The following DACH2 variants were observed in gnomAD, a reference collection of about 807,000 sequenced individuals.
The protein encoded by DACH2 is dachshund homolog 2.
In DACH2, 17 loss-of-function variants were observed where a neutral mutation model predicts 35.8. That is an observed-to-expected ratio of 0.48 (90% CI 0.33 to 0.71). The LOEUF (loss-of-function observed/expected upper bound fraction) is 0.71. Ranked by LOEUF, DACH2 falls within the 30% of genes least tolerant of loss-of-function variation. DACH2 has a pLI of 0.02. For synonymous variants in DACH2, 195 were observed against 177.3 expected, an observed-to-expected ratio of 1.10 and a Z score of -0.79; for missense variants, 469 against 472.7, an observed-to-expected ratio of 0.99 and a Z score of 0.07.
chrX:86,227,430 T>G (rs990200716), intron 1 of DACH2, among the ~76,000 whole-genome samples: 4 of 111,155 alleles, frequency 3.6e-5, no homozygotes, highest in Middle Eastern at 9.3e-3. Flanking sequence ...TATTTTGTAT[T>G]GTTCCTGTTT....
At chrX:86,182,652 C>T (rs2031534908) in intron 1 of DACH2, among the ~76,000 whole-genome samples, 1 of 111,654 alleles carries the variant, frequency 9.0e-6, no homozygotes, top group South Asian at 3.8e-4. Context: ...ATTTTCTTGG[C>T]TATACGGGCT....
chrX:86,650,276 T>C (rs1050539741), intron 3 of DACH2, among the ~76,000 whole-genome samples: 10 of 111,338 alleles, frequency 9.0e-5, no homozygotes, highest in Non-Finnish European at 1.3e-4. Flanking sequence ...CTACAGACGC[T>C]GGCTATATAG....
intron 4 of DACH2, among the ~76,000 whole-genome samples, chrX:86,683,223 T>C (rs1207703861): frequency 9.0e-6 from 1 of 111,701 alleles, no homozygotes; most frequent in East Asian, 2.8e-4. Flanking sequence ...TCTACCAACT[T>C]TCTCCTCTTT....
chrX:86,600,399 T>C (rs1382100314), intron 3 of DACH2, among the ~76,000 whole-genome samples: 1 of 112,037 alleles, frequency 8.9e-6, no homozygotes, highest in Non-Finnish European at 1.9e-5. Flanking sequence ...TATACCAGTA[T>C]TATTTAAAGT....
intron 1 of DACH2, among the ~76,000 whole-genome samples, chrX:86,357,150 C>CA (rs887774367): frequency 8.1e-5 from 9 of 111,720 alleles, no homozygotes; most frequent in African/African-American, 2.6e-4. Flanking sequence ...ACTAAAAAGT[C>CA]AAAAAAACAC....
chrX:86,468,740 A>G (rs2037713801), intron 2 of DACH2, among the ~76,000 whole-genome samples: 1 of 111,798 alleles, frequency 8.9e-6, no homozygotes, highest in Non-Finnish European at 1.9e-5. Flanking sequence ...TTCAAAGTTC[A>G]ACAAAGCCTA....
At chrX:86,209,909 G>C (rs2147912332) in intron 1 of DACH2, among the ~76,000 whole-genome samples, 1 of 111,864 alleles carries the variant, frequency 8.9e-6, no homozygotes. Context: ...TCAATGTTTA[G>C]AAGATGATCT....
At chrX:86,198,959 C>CA (rs1339529650) in intron 1 of DACH2, among the ~76,000 whole-genome samples, 1 of 109,897 alleles carries the variant, frequency 9.1e-6, no homozygotes, top group Admixed American at 9.7e-5. Context: ...AGAGACACAA[C>CA]AAAAAAAGAA....
At chrX:86,799,697 C>A (rs1332334734) in intron 7 of DACH2, among the ~76,000 whole-genome samples, 1 of 112,208 alleles carries the variant, frequency 8.9e-6, no homozygotes, top group African/African-American at 3.2e-5. Flanking sequence ...TGCTATAATA[C>A]CTTTATTAAT....
intron 3 of DACH2, among the ~76,000 whole-genome samples, chrX:86,537,896 G>C (rs1299895643): frequency 9.0e-6 from 1 of 111,186 alleles, no homozygotes; most frequent in Non-Finnish European, 1.9e-5. Flanking sequence ...ACATTACCTT[G>C]TGAAATTCCT....
intron 3 of DACH2, among the ~76,000 whole-genome samples, chrX:86,632,493 T>C (rs781161195): frequency 1.2e-5 from 1 of 84,751 alleles, no homozygotes. Flanking sequence ...GTCATACACA[T>C]GCACACACAC....
At chrX:86,647,886 T>C (rs763551533) in intron 3 of DACH2, among the ~76,000 whole-genome samples, 51 of 110,631 alleles carry the variant, frequency 4.6e-4, no homozygotes, top group African/African-American at 1.6e-3. Context: ...ACAAATCAAA[T>C]AACTTAATAA....
At chrX:86,473,970 A>C (rs1415828911) in intron 2 of DACH2, among the ~76,000 whole-genome samples, 3 of 111,811 alleles carry the variant, frequency 2.7e-5, no homozygotes, top group Non-Finnish European at 5.6e-5. Flanking sequence ...GTGGTAATTT[A>C]AATTCTCACC....
chrX:86,614,464 G>A (rs941585946), intron 3 of DACH2, among the ~76,000 whole-genome samples: 1 of 111,850 alleles, frequency 8.9e-6, no homozygotes, highest in South Asian at 3.6e-4. Context: ...GTTTGTGAAA[G>A]TATTCTTCAT....
chrX:86,577,070 C>T (rs1327800148), intron 3 of DACH2, among the ~76,000 whole-genome samples: 2 of 112,007 alleles, frequency 1.8e-5, no homozygotes, highest in Non-Finnish European at 3.8e-5. Context: ...ACTAAGCCAT[C>T]GTAATAACTA....
chrX:86,684,969 T>G (rs951492321), intron 4 of DACH2, among the ~76,000 whole-genome samples: 5 of 111,916 alleles, frequency 4.5e-5, no homozygotes, highest in Admixed American at 3.8e-4. Flanking sequence ...TTTTATTAAT[T>G]ACATAAAACT....
intron 2 of DACH2, among the ~76,000 whole-genome samples, chrX:86,460,043 A>T (rs193062212): frequency 9.0e-6 from 1 of 111,103 alleles, no homozygotes; most frequent in Admixed American, 9.7e-5. Context: ...TAGTTTTATA[A>T]CAAATGATAT....
intron 1 of DACH2, among the ~76,000 whole-genome samples, chrX:86,339,817 A>G (rs915050786): frequency 8.9e-6 from 1 of 112,181 alleles, no homozygotes; most frequent in Non-Finnish European, 1.9e-5. Context: ...AAATGCTAAT[A>G]TGATGCATAT....
At chrX:86,536,925 A>G (rs945526711) in intron 3 of DACH2, among the ~76,000 whole-genome samples, 2 of 111,096 alleles carry the variant, frequency 1.8e-5, no homozygotes, top group African/African-American at 6.6e-5. Flanking sequence ...GAACAGAAAT[A>G]TATTGGCTCA....
Sources: allele counts gnomAD v4.1 joint callset (sites outside exome capture counted in the v4.1 genomes callset), GRCh38; gene constraint gnomAD v4.1.1; transcripts MANE v1.5; gene names NCBI Gene and HGNC (gene_info 2026-07-23, HGNC 2026-07-21).